PKHD1: variants seen among roughly 807,000 people sequenced by gnomAD.
PKHD1 encodes fibrocystin.
In PKHD1, 291 loss-of-function variants were observed where a neutral mutation model predicts 412.0. That is an observed-to-expected ratio of 0.71 (90% CI 0.64 to 0.78). The LOEUF is 0.78. Ranked by LOEUF, PKHD1 falls within the 30% of genes least tolerant of loss-of-function variation. The pLI is 0.00. For synonymous variants in PKHD1, 1,777 were observed against 1,821.5 expected (o/e 0.98, Z 0.62); for missense variants, 4,825 against 4,950.7 (o/e 0.97, Z 0.76).
chr6:51,841,395 T>TCTCTC (rs533673582), intron 50 of PKHD1, among the ~76,000 whole-genome samples: 4 of 151,898 alleles, frequency 2.6e-5, no homozygotes, highest in African/African-American at 7.2e-5. Flanking sequence ...CCTCTCCTCT[T>TCTCTC]CTCTCCTCTC....
At chr6:51,834,822 A>G (rs565271071) in intron 51 of PKHD1, among the ~76,000 whole-genome samples, 3 of 152,332 alleles carry the variant, frequency 2.0e-5, no homozygotes, top group Non-Finnish European at 4.4e-5. Context: ...ATTTTAATAT[A>G]ACTCATAAAT....
intron 55 of PKHD1, among the ~76,000 whole-genome samples, chr6:51,771,049 A>C (rs898899089): frequency 1.3e-5 from 2 of 152,120 alleles, no homozygotes; most frequent in Non-Finnish European, 2.9e-5. Context: ...CGTACTTTAC[A>C]ACATACTGGC....
At chr6:51,666,249 A>G (rs509107) in intron 60 of PKHD1, among the ~76,000 whole-genome samples, 1 of 152,138 alleles carries the variant, frequency 6.6e-6, no homozygotes, top group African/African-American at 2.4e-5. Flanking sequence ...TCACAACACA[A>G]TTATGTTTTA....
intron 60 of PKHD1, among the ~76,000 whole-genome samples, chr6:51,673,923 AC>A (rs149979449): frequency 0.027 from 4,036 of 152,268 alleles, 81 homozygotes; most frequent in Non-Finnish European, 0.043. Flanking sequence ...TTCTCACAGC[AC>A]CAGGAACAAC....
intron 35 of PKHD1, among the ~76,000 whole-genome samples, chr6:51,971,139 T>C (rs2127992025): frequency 6.6e-6 from 1 of 152,382 alleles, no homozygotes; most frequent in South Asian, 2.1e-4. Context: ...ACCTCCTTGG[T>C]TAAATATATT....
intron 37 of PKHD1, among the ~76,000 whole-genome samples, chr6:51,916,120 A>G (rs1783767944): frequency 6.6e-6 from 1 of 152,114 alleles, no homozygotes; most frequent in Admixed American, 6.6e-5. Flanking sequence ...CTGCTGTGCC[A>G]CTGCCTCATG....
intron 53 of PKHD1, among the ~76,000 whole-genome samples, chr6:51,783,848 C>T (rs1792434992): frequency 6.6e-6 from 1 of 152,076 alleles, no homozygotes; most frequent in Non-Finnish European, 1.5e-5. Flanking sequence ...TTTTGTAACT[C>T]CTTTTTTCCT....
At chr6:51,899,196 G>A (rs969267972) in intron 43 of PKHD1, among the ~76,000 whole-genome samples, 9 of 151,842 alleles carry the variant, frequency 5.9e-5, no homozygotes, top group Non-Finnish European at 7.4e-5. Flanking sequence ...TACCTAAGCC[G>A]GGCAGAGACA....
chr6:51,798,354 G>A (rs942796755), intron 52 of PKHD1, among the ~76,000 whole-genome samples: 2 of 149,972 alleles, frequency 1.3e-5, no homozygotes, highest in Admixed American at 1.4e-4. Context: ...CTCCAGCCTG[G>A]GGTACAGAGG....
chr6:51,885,939 T>C lies in PKHD1; in HGVS notation c.7143A>G (p.Pro2381=). The change falls in exon 45 of 67, where the codon CCA becomes CCG. Residue 2381 remains proline, a synonymous_variant. Coordinates refer to ENST00000371117, the MANE Select transcript of PKHD1 (RefSeq NM_138694.4). ...YGLFVYPKFQ[P]PWDNVTGTTL... ...TGGTGCCAGTGACATTATCCCAAGG[T>C]GGCTGAAATTTAGGGTATACAAAGA... The C allele has an allele frequency of 6.2e-7, 1 of 1,612,986 alleles. No homozygotes were observed. Among genetic ancestry groups the C allele is most frequent in the Non-Finnish European group, 8.5e-7 (1 of 1,179,018 alleles).
At chr6:51,983,945 T>TG (rs1409899204) in intron 35 of PKHD1, among the ~76,000 whole-genome samples, 3 of 152,208 alleles carry the variant, frequency 2.0e-5, no homozygotes, top group Non-Finnish European at 4.4e-5. Context: ...TTTTAGGGTT[T>TG]GGGGGGTCCT....
intron 60 of PKHD1, among the ~76,000 whole-genome samples, chr6:51,727,534 C>T (rs1463046993): frequency 1.3e-5 from 2 of 152,166 alleles, no homozygotes; most frequent in East Asian, 3.9e-4. Flanking sequence ...TACAGGGTGG[C>T]CCCCTTCTGG....
At chr6:51,709,775 G>A (rs1780427415) in intron 60 of PKHD1, among the ~76,000 whole-genome samples, 1 of 151,468 alleles carries the variant, frequency 6.6e-6, no homozygotes, top group East Asian at 1.9e-4. Flanking sequence ...GTTTGGAACA[G>A]TCAATATAAT....
chr6:51,741,281 C>G, intron 60 of PKHD1: 2 of 496,600 alleles, frequency 4.0e-6, no homozygotes, highest in South Asian at 3.0e-5. Context: ...TGATGCCACA[C>G]CCATGTATTT....
chr6:51,969,753 A>G (rs1793381792), intron 35 of PKHD1, among the ~76,000 whole-genome samples: 1 of 152,126 alleles, frequency 6.6e-6, no homozygotes, highest in Non-Finnish European at 1.5e-5. Flanking sequence ...ATTCCAATGT[A>G]TGTGTGTATA....
At chr6:51,734,690 G>A (rs1024595401) in intron 60 of PKHD1, among the ~76,000 whole-genome samples, 3 of 151,802 alleles carry the variant, frequency 2.0e-5, no homozygotes, top group African/African-American at 4.8e-5. Context: ...ATCAAAAACT[G>A]CAGATCAAAA....
Position 51,659,538 on chromosome 6 carries a change from A to T in PKHD1, c.10588T>A (p.Ser3530Thr). The change falls in exon 61 of 67, where the codon TCT becomes ACT. Residue 3530 changes from serine (S) to threonine (T), a missense_variant. Ser to Thr is a moderately conservative substitution (Grantham distance 58). Coordinates refer to ENST00000371117, the MANE Select transcript of PKHD1 (RefSeq NM_138694.4). ...VQSASLLLNESIGANYFNIMD... is the reference protein window; with the variant it reads ...VQSASLLLNETIGANYFNIMD... ...ATGTTGAAATAGTTGGCACCAATAG[A>T]TTCATTCAGCAATAAGGAAGCTGAC... 1 of 1,613,670 alleles carries T rather than the reference A, an allele frequency of 6.2e-7. No individual in the cohort carries two copies. Among genetic ancestry groups the T allele is most frequent in the Non-Finnish European group, 8.5e-7 (1 of 1,179,786 alleles).
Position 52,022,875 on chromosome 6 carries a change from A to T in PKHD1, c.5306T>A (p.Val1769Glu). Reference protein sequence around the residue: ...GFSPGNVSAAVCGAPCRVLAN... With the variant: ...GFSPGNVSAAECGAPCRVLAN... ...CAGGACTCGGCAGGGAGCACCACAC[A>T]CAGCAGCTGAGACATTCCCTGGAGA... Residue 1769 changes from valine to glutamate, a missense_variant, in exon 33 of 67, where the codon GTG becomes GAG. Transcript: ENST00000371117. 1 of 1,614,178 alleles carries T rather than the reference A, an allele frequency of 6.2e-7. No individual in the cohort carries two copies. Among genetic ancestry groups the T allele is most frequent in the Non-Finnish European group, 8.5e-7 (1 of 1,180,028 alleles).
rs75126324 is a variant in PKHD1, at chr6:52,039,177, C to T, written c.3098-3456G>A. Among the ~76,000 whole-genome samples the T allele has an allele frequency of 9.0e-3, 1,372 of 152,322 alleles. 12 individuals are homozygous for T. The highest frequency in any genetic ancestry group is 0.014 in the Non-Finnish European group (965 of 68,030). On this transcript the variant is annotated intron_variant, in intron 27 of 66. Transcript: ENST00000371117. Reference sequence around the variant, plus strand: ...GAAAATCAAAATCACAATGAGGTATCATCTCATGCCCATTAAGATGGCTAC... The same window carrying T: ...GAAAATCAAAATCACAATGAGGTATTATCTCATGCCCATTAAGATGGCTAC...
Sources: allele counts gnomAD v4.1 joint callset (sites outside exome capture counted in the v4.1 genomes callset), GRCh38; gene constraint gnomAD v4.1.1; transcripts MANE v1.5; gene names NCBI Gene and HGNC (gene_info 2026-07-23, HGNC 2026-07-21).